Variants in GEMIN5 observed in about 807,000 individuals in gnomAD.
GEMIN5 encodes gem nuclear organelle associated protein 5, also known as gem-associated protein 5.
In GEMIN5, 124 loss-of-function variants were observed where a neutral mutation model predicts 176.9. The ratio of observed to expected loss-of-function variants is 0.70; its 90% CI spans 0.61 to 0.81. GEMIN5 has a LOEUF of 0.81. GEMIN5 is among the 40% of genes least tolerant of loss of function. GEMIN5 has a pLI of 0.00. For missense variants in GEMIN5, 1,843 were observed against 1,814.6 expected (o/e 1.02, Z -0.28); for synonymous variants, 673 against 665.2 (o/e 1.01, Z -0.18).
At chr5:154,909,997 T>C (rs560894970) in intron 15 of GEMIN5, among the ~76,000 whole-genome samples, 55 of 150,718 alleles carry the variant, frequency 3.6e-4, no homozygotes, top group African/African-American at 1.3e-3. Flanking sequence ...AAAAAAAGAA[T>C]TTCACATAAA....
intron 24 of GEMIN5, among the ~76,000 whole-genome samples, chr5:154,893,994 T>C (rs1763294906): frequency 1.3e-5 from 2 of 152,128 alleles, no homozygotes; most frequent in Non-Finnish European, 1.5e-5. Context: ...ACCCAGGCTG[T>C]AGTGCAGTGG....
At chr5:154,937,267 T>C in intron 1 of GEMIN5, 82 bp from the exon 2 acceptor site, 1 of 1,150,256 alleles carries the variant, frequency 8.7e-7, no homozygotes, top group Non-Finnish European at 1.2e-6. Flanking sequence ...GGATGACAAG[T>C]GAGCAGATGC....
intron 23 of GEMIN5, among the ~76,000 whole-genome samples, chr5:154,898,160 C>T (rs2053933400): frequency 6.6e-6 from 1 of 152,178 alleles, no homozygotes; most frequent in African/African-American, 2.4e-5. Context: ...CTCGGCCTCC[C>T]AAAGTGCTGG....
At position 154,938,170 on chromosome 5, in the gene GEMIN5, G is replaced by A. The variant is rs1049446710; in HGVS notation, c.-37C>T. The A allele has an allele frequency of 6.7e-6, 9 of 1,335,984 alleles. No homozygotes were observed. The highest frequency in any genetic ancestry group is 8.7e-6 in the Non-Finnish European group (9 of 1,035,566). 82.8% of individuals were successfully genotyped at this position (1,335,984 alleles called of 1,614,324 possible). A position where few individuals can be genotyped will look rare whatever the true frequency, so the allele number is the denominator to read the frequency against. ...GTCAGAGACAAGAGAAGCTGCCACA[G>A]CCGACCGCTCGTAGCCTCACGCCTT... is the stretch of plus-strand genomic sequence containing the variant. On this transcript the variant is annotated 5_prime_UTR_variant, in exon 1 of 28. Transcript: ENST00000285873.
In GEMIN5 at chr5:154,938,161, G is replaced by T; in HGVS notation, c.-28C>A. ...CTACAAGCCGTCAGAGACAAGAGAA[G>T]CTGCCACAGCCGACCGCTCGTAGCC... On this transcript the variant is annotated 5_prime_UTR_variant, in exon 1 of 28. Coordinates refer to ENST00000285873, the MANE Select transcript of GEMIN5 (RefSeq NM_015465.5). 3 of 1,344,732 alleles carry T rather than the reference G, an allele frequency of 2.2e-6. No homozygotes were observed. The highest frequency in any genetic ancestry group is 4.1e-5 in the South Asian group (2 of 48,914). 83.3% of individuals were successfully genotyped at this position (1,344,732 alleles called of 1,614,324 possible).
At chr5:154,918,070 GA>G (rs201693545) in intron 11 of GEMIN5, 66 bp from the exon 12 acceptor site, 89 of 961,960 alleles carry the variant, frequency 9.3e-5, no homozygotes, top group South Asian at 1.4e-4. Context: ...GACAGCATGA[GA>G]AAAAAAAATC....
chr5:154,931,553 T>C lies in GEMIN5; in HGVS notation c.686A>G (p.Asn229Ser). The stretch of plus-strand genomic sequence containing the variant: ...TGTTACTGGAGCTTGTGCTACAGCA[T>C]TCCCGTTGGTAATTTCAGCTTCTTC... ...TSEEAEITNG[N>S]AVAQAPVTKG... is the part of the protein sequence containing the mutation. Residue 229 changes from asparagine to serine, a missense_variant, in exon 5 of 28, where the codon AAT becomes AGT. By Grantham distance (46) the Asn-to-Ser change is conservative. Coordinates refer to ENST00000285873, the MANE Select transcript of GEMIN5 (RefSeq NM_015465.5). 1.2e-6 allele frequency: 2 copies of C among 1,608,372 alleles called. No homozygotes were observed. Among genetic ancestry groups the C allele is most frequent in the Non-Finnish European group, 1.7e-6 (2 of 1,175,512 alleles).
In GEMIN5 at chr5:154,937,174, AC is replaced by A; in HGVS notation, c.177del (p.Glu59AspfsTer33). On this transcript the variant is annotated frameshift_variant, in exon 2 of 28. Coordinates refer to ENST00000285873, the MANE Select transcript of GEMIN5 (RefSeq NM_015465.5). LOFTEE classifies it high-confidence loss of function. ...PGTPPFRVIG[E>X]LVGHTERVSG... is the part of the protein sequence containing the mutation. ...GAGACCCTTTCGGTGTGTCCCACCA[AC>A]TCTCCTATGACTTTAAGCAAAACCA... 1 of 1,608,122 alleles carries A rather than the reference AC, an allele frequency of 6.2e-7. No homozygotes were observed. The highest frequency in any genetic ancestry group is 1.3e-5 in the African/African-American group (1 of 74,790).
In GEMIN5 at chr5:154,917,133, T is replaced by C. The variant is rs1269959982; in HGVS notation, c.1720A>G (p.Ile574Val). ...TTCACAAGCTTGTGATGCTGTTGGA[T>C]AGTACAGATCAGTTTCAGGTTGGGA... ...QIPNLKLICT[I>V]QQHHKLVNTI... Residue 574 changes from isoleucine to valine, a missense_variant, in exon 13 of 28, where the codon ATC becomes GTC. Transcript: ENST00000285873. The C allele has an allele frequency of 8.8e-6, 14 of 1,593,418 alleles. No individual in the cohort carries two copies. The highest frequency in any genetic ancestry group is 1.2e-5 in the Non-Finnish European group (14 of 1,165,460).
chr5:154,920,725 T>A (rs1763905299), intron 10 of GEMIN5, among the ~76,000 whole-genome samples: 1 of 152,242 alleles, frequency 6.6e-6, no homozygotes, highest in South Asian at 2.1e-4. Context: ...CCTCTCTATG[T>A]AATGCAATTC....
At chr5:154,905,068 C>T (rs1302448782) in intron 17 of GEMIN5, among the ~76,000 whole-genome samples, 1 of 152,110 alleles carries the variant, frequency 6.6e-6, no homozygotes, top group African/African-American at 2.4e-5. Flanking sequence ...GTGGCGGGCG[C>T]CTGTAATCCC....
At chr5:154,909,153 T>TC (rs1763639649) in intron 15 of GEMIN5, among the ~76,000 whole-genome samples, 1 of 149,476 alleles carries the variant, frequency 6.7e-6, no homozygotes, top group Non-Finnish European at 1.5e-5. Context: ...TTTTTTTTTT[T>TC]TGTAGAGATG....
chr5:154,926,993 G>A (rs1323455781), intron 7 of GEMIN5, among the ~76,000 whole-genome samples: 1 of 151,554 alleles, frequency 6.6e-6, no homozygotes, highest in East Asian at 1.9e-4. Context: ...GGAGCTTGCA[G>A]TGAGCCAAGA....
At chr5:154,918,130 A>G in intron 11 of GEMIN5, 126 bp from the exon 12 acceptor site, 4 of 627,086 alleles carry the variant, frequency 6.4e-6, no homozygotes, top group Non-Finnish European at 1.1e-5. Context: ...TCTTGTAAAT[A>G]ATCTACATAA....
intron 4 of GEMIN5, 34 bp downstream of exon 4, chr5:154,932,065 A>C: frequency 6.6e-7 from 1 of 1,511,052 alleles, no homozygotes; most frequent in Non-Finnish European, 9.1e-7. Flanking sequence ...TTCAGGTCTC[A>C]AGTGGACTTA....
intron 24 of GEMIN5, among the ~76,000 whole-genome samples, chr5:154,895,051 C>T (rs760030041): frequency 2.4e-5 from 3 of 125,672 alleles, no homozygotes; most frequent in African/African-American, 9.4e-5. Context: ...TGTACTCCAG[C>T]CTGAGCAACA....
At position 154,888,149 on chromosome 5, in the gene GEMIN5, T is replaced by G; in HGVS notation, c.*61A>C. On this transcript the variant is annotated 3_prime_UTR_variant, in exon 28 of 28. Coordinates refer to ENST00000285873, the MANE Select transcript of GEMIN5 (RefSeq NM_015465.5). ...GAGTGAATGTCTGGTGAGGCATAACTGCAGAGGTGAAAGATGTCAAACATT... is the reference window on the plus strand; with the variant it reads ...GAGTGAATGTCTGGTGAGGCATAACGGCAGAGGTGAAAGATGTCAAACATT... 1.4e-6 allele frequency: 2 copies of G among 1,480,122 alleles called. No homozygotes were observed. The highest frequency in any genetic ancestry group is 1.9e-6 in the Non-Finnish European group (2 of 1,058,704). 91.7% of individuals were successfully genotyped at this position (1,480,122 alleles called of 1,614,324 possible). A position where few individuals can be genotyped will look rare whatever the true frequency, so the allele number is the denominator to read the frequency against.
At chr5:154,915,112 GCTTT>G (rs1301371471) in intron 13 of GEMIN5, among the ~76,000 whole-genome samples, 4 of 152,130 alleles carry the variant, frequency 2.6e-5, no homozygotes, top group Non-Finnish European at 4.4e-5. Context: ...ACCAGAATCA[GCTTT>G]CTAACTTATG....
chr5:154,901,260 T>A (rs1206230359), intron 21 of GEMIN5, 79 bp downstream of exon 21: 3 of 1,338,910 alleles, frequency 2.2e-6, no homozygotes, highest in Non-Finnish European at 3.2e-6. Context: ...CTTCTATTTA[T>A]GTTACTTTAA....
Sources: gnomAD v4.1 joint callset for allele counts (sites outside exome capture counted in the v4.1 genomes callset) on GRCh38, gnomAD v4.1.1 for gene constraint, MANE v1.5 for transcripts, NCBI Gene and HGNC (gene_info 2026-07-23, HGNC 2026-07-21) for gene names.